CSNK1D: variants seen among roughly 807,000 people sequenced by gnomAD.
The protein encoded by CSNK1D is casein kinase I isoform delta.
CSNK1D carries 16 observed loss-of-function variants against 46.6 expected under a neutral mutation model. That is an observed-to-expected ratio of 0.34 (90% CI 0.23 to 0.52). The LOEUF (loss-of-function observed/expected upper bound fraction) is 0.52. Ranked by LOEUF, CSNK1D falls within the 20% of genes least tolerant of loss-of-function variation. The probability of loss-of-function intolerance (pLI) is 0.95; values close to 1 mark genes in which losing one functional copy is unlikely to be tolerated. For synonymous variants in CSNK1D, 276 were observed against 228.2 expected, an observed-to-expected ratio of 1.21 and a Z score of -1.89; for missense variants, 398 against 578.4, an observed-to-expected ratio of 0.69 and a Z score of 3.20.
intron 8 of CSNK1D, chr17:82,247,148 C>G (rs1568554427): frequency 3.0e-6 from 3 of 985,468 alleles, no homozygotes; most frequent in East Asian, 1.1e-4. Flanking sequence ...GAACACACCC[C>G]CAAACCAGCT....
chr17:82,242,207 T>C (rs1284022700), downstream of CSNK1D, among the ~76,000 whole-genome samples: 4 of 114,450 alleles, frequency 3.5e-5, no homozygotes, highest in African/African-American at 1.5e-4. Context: ...CACTGCTGTG[T>C]GCTCTGGGGG....
rs1568562221 is a variant in CSNK1D, at chr17:82,251,645, A to G, written c.737-118T>C. 3.0e-6 allele frequency: 3 copies of G among 1,003,858 alleles called. No individual in the cohort carries two copies. Among genetic ancestry groups the G allele is most frequent in the Non-Finnish European group, 4.6e-6 (3 of 647,162 alleles). The allele number at this position is 1,003,858 out of a possible 1,614,324, so 62.2% of individuals were successfully genotyped here. On this transcript the variant is annotated intron_variant, in intron 5 of 8. Coordinates refer to ENST00000314028, the MANE Select transcript of CSNK1D (RefSeq NM_001893.6). This position sits in a 1 kb window ranked among gnomAD's most constrained non-coding sequence, Gnocchi z 4.5. ...CACTCAAGGGGAGAAGGACAGATGC[A>G]AAACACCTGTCAGATTTCTAAGACC...
intron 1 of CSNK1D, among the ~76,000 whole-genome samples, chr17:82,267,699 G>A (rs2051513256): frequency 6.6e-6 from 1 of 152,196 alleles, no homozygotes; most frequent in South Asian, 2.1e-4. Context: ...GTTCCTCTAA[G>A]GACCTGGACT....
At chr17:82,271,085 T>C (rs2051610716) in intron 1 of CSNK1D, among the ~76,000 whole-genome samples, 1 of 152,202 alleles carries the variant, frequency 6.6e-6, no homozygotes, top group South Asian at 2.1e-4. Flanking sequence ...TCTTATTTAT[T>C]TATTTTTTGA....
rs1340545200 is a variant in CSNK1D, at chr17:82,252,013, TA to T, written c.736+420del. On this transcript the variant is annotated intron_variant, in intron 5 of 8. Coordinates refer to ENST00000314028, the MANE Select transcript of CSNK1D (RefSeq NM_001893.6). This position sits in a 1 kb window ranked among gnomAD's most constrained non-coding sequence, Gnocchi z 4.6. ...TGTCTTAAAAAAAAAAAAGAAGTCA[TA>T]AAGCACAATTTAGTTTCATTTGAGG... Among the ~76,000 whole-genome samples, 6 of 151,344 alleles carry T rather than the reference TA, an allele frequency of 4.0e-5. No homozygotes were observed. Among genetic ancestry groups the T allele is most frequent in the Admixed American group, 3.3e-4 (5 of 15,194 alleles).
In CSNK1D at chr17:82,243,691, C is replaced by T. The variant is rs989581566; in HGVS notation, c.*1090G>A. The T allele has an allele frequency of 2.7e-5, 27 of 985,362 alleles. No individual in the cohort carries two copies. The highest frequency in any genetic ancestry group is 1.6e-4 in the African/African-American group (9 of 57,240). 61.0% of individuals were successfully genotyped at this position (985,362 alleles called of 1,614,324 possible). The stretch of plus-strand genomic sequence containing the variant: ...CGGCTTTTCTGAGCTAGTCTTGGCA[C>T]GTGGCAAGGACAGCCCCGCTCCTGG... On this transcript the variant is annotated 3_prime_UTR_variant, in exon 9 of 9. Coordinates refer to ENST00000314028, the MANE Select transcript of CSNK1D (RefSeq NM_001893.6).
At chr17:82,260,702 C>T (rs5029174) in intron 2 of CSNK1D, among the ~76,000 whole-genome samples, 2 of 145,090 alleles carry the variant, frequency 1.4e-5, no homozygotes, top group East Asian at 2.0e-4. Context: ...GGTGTACTGA[C>T]TGATGTGACT....
chr17:82,250,094 G>A lies in CSNK1D; in HGVS notation c.886-492C>T, dbSNP rs1490405583. 25 of 1,290,128 alleles carry A rather than the reference G, an allele frequency of 1.9e-5. No individual in the cohort carries two copies. Among genetic ancestry groups the A allele is most frequent in the Middle Eastern group, 2.3e-4 (1 of 4,396 alleles). The allele number at this position is 1,290,128 out of a possible 1,614,324, so 79.9% of individuals were successfully genotyped here. A position where few individuals can be genotyped will look rare whatever the true frequency, so the allele number is the denominator to read the frequency against. On this transcript the variant is annotated intron_variant, in intron 6 of 8. Coordinates refer to ENST00000314028, the MANE Select transcript of CSNK1D (RefSeq NM_001893.6). The surrounding 1 kb of genome is among the most constrained non-coding windows in gnomAD (Gnocchi z 4.6). ...CAACAGCCTGTGCAGGTGTGGTGGC[G>A]TGGCCAGCAGCCGGCAGCCGGATCT...
chr17:82,271,137 G>GTGATCT (rs1259164780), intron 1 of CSNK1D, among the ~76,000 whole-genome samples: 1 of 152,216 alleles, frequency 6.6e-6, no homozygotes, highest in Non-Finnish European at 1.5e-5. Flanking sequence ...GTGCAGTGGT[G>GTGATCT]TGATCTTGGC....
In CSNK1D at chr17:82,273,385, G is replaced by A. The variant is rs1161975789; in HGVS notation, c.-4C>T. ...TGTTCCCGACTCTCAGCTCCATGGC[G>A]GCGGCGGCCCGATTCGCTCCTGCCC... On this transcript the variant is annotated 5_prime_UTR_variant, in exon 1 of 9. Transcript: ENST00000314028. The surrounding 1 kb of genome is among the most constrained non-coding windows in gnomAD (Gnocchi z 5.1). 9.3e-6 allele frequency: 15 copies of A among 1,610,694 alleles called. No homozygotes were observed. The highest frequency in any genetic ancestry group is 2.7e-5 in the African/African-American group (2 of 74,656).
chr17:82,260,029 GTAC>G (rs1397884246), intron 2 of CSNK1D, among the ~76,000 whole-genome samples: 5 of 130,578 alleles, frequency 3.8e-5, no homozygotes, highest in African/African-American at 2.2e-4. Flanking sequence ...GACTGATGGT[GTAC>G]TGACTGATGT....
In CSNK1D at chr17:82,242,922, A is replaced by C; in HGVS notation, c.*1859T>G. 1 of 985,456 alleles carries C rather than the reference A, an allele frequency of 1.0e-6. No homozygotes were observed. The highest frequency in any genetic ancestry group is 1.7e-5 in the African/African-American group (1 of 57,352). The allele number at this position is 985,456 out of a possible 1,614,324, so 61.0% of individuals were successfully genotyped here. A position where few individuals can be genotyped will look rare whatever the true frequency, so the allele number is the denominator to read the frequency against. On this transcript the variant is annotated 3_prime_UTR_variant, in exon 9 of 9. Transcript: ENST00000314028. ...GCCTCGCACAAACGTTCTGGGCACT[A>C]CATCGGGACCACAGATATTTACAAA...
chr17:82,253,445 C>A, intron 3 of CSNK1D: 1 of 612,004 alleles, frequency 1.6e-6, no homozygotes, highest in Non-Finnish European at 3.0e-6. Flanking sequence ...ACTCCACCCT[C>A]CACAGGCCTA....
Position 82,249,612 on chromosome 17 carries a change from CAGG to C in CSNK1D, c.886-13_886-11del. On this transcript the variant is annotated splice_polypyrimidine_tract_variant and intron_variant, in intron 6 of 8. Transcript: ENST00000314028. The surrounding 1 kb of genome is among the most constrained non-coding windows in gnomAD (Gnocchi z 6.7). ...CGGCCCGGCTGGCACCCTGAGGAGG[CAGG>C]AGGTGAGGCCGGAATGGAACCAGCT... The C allele has an allele frequency of 1.3e-6, 2 of 1,559,878 alleles. No individual in the cohort carries two copies. Among genetic ancestry groups the C allele is most frequent in the Non-Finnish European group, 1.7e-6 (2 of 1,158,050 alleles).
chr17:82,243,483 C>A lies in CSNK1D; in HGVS notation c.*1298G>T. 1 of 985,540 alleles carries A rather than the reference C, an allele frequency of 1.0e-6. No individual in the cohort carries two copies. Among genetic ancestry groups the A allele is most frequent in the Non-Finnish European group, 1.2e-6 (1 of 829,998 alleles). The allele number at this position is 985,540 out of a possible 1,614,324, so 61.0% of individuals were successfully genotyped here. ...CATGGAGCCTGGGGCAGCACCAGCT[C>A]ACGGAGGCCACCTGCCTTCTGGTGG... On this transcript the variant is annotated 3_prime_UTR_variant, in exon 9 of 9. Coordinates refer to ENST00000314028, the MANE Select transcript of CSNK1D (RefSeq NM_001893.6).
intron 3 of CSNK1D, chr17:82,253,645 A>G (rs1188814629): frequency 2.8e-6 from 1 of 354,280 alleles, no homozygotes; most frequent in Non-Finnish European, 5.5e-6. Context: ...CACTGAATGG[A>G]AACGTGCTAT....
Position 82,255,443 on chromosome 17 carries a change from G to C in CSNK1D, c.322C>G (p.Leu108Val). ...RKFSLKTVLL[L>V]ADQMISRIEY... ...ACAGTCCTTACCATTTGGTCAGCAA[G>C]CAGCAGGACGGTTTTGAGGCTGAAT... The change falls in exon 3 of 9, where the codon CTT becomes GTT. Residue 108 changes from leucine (L) to valine (V), a missense_variant. This residue lies in a region of CSNK1D where 217 missense variants were observed against 370.3 expected (regional missense o/e 0.59). Transcript: ENST00000314028. This position sits in a 1 kb window ranked among gnomAD's most constrained non-coding sequence, Gnocchi z 5.9. 1 of 1,614,192 alleles carries C rather than the reference G, an allele frequency of 6.2e-7. No homozygotes were observed.
downstream of CSNK1D, among the ~76,000 whole-genome samples, chr17:82,240,860 C>T (rs2147143460): frequency 6.6e-6 from 1 of 152,242 alleles, no homozygotes; most frequent in Admixed American, 6.5e-5. Flanking sequence ...TCTACTACCT[C>T]CTCCCTCAGC....
intron 1 of CSNK1D, among the ~76,000 whole-genome samples, chr17:82,269,552 C>T (rs892750504): frequency 2.0e-5 from 3 of 152,216 alleles, no homozygotes; most frequent in African/African-American, 7.2e-5. Context: ...CCAAAAGATG[C>T]TTGTGCACAT....
Sources: gnomAD v4.1 joint callset for allele counts (sites outside exome capture counted in the v4.1 genomes callset) on GRCh38, gnomAD v4.1.1 for gene constraint, gnomAD v4.1.1 regional missense constraint, Gnocchi (gnomAD v3.1) non-coding constraint, MANE v1.5 for transcripts, NCBI Gene and HGNC (gene_info 2026-07-23, HGNC 2026-07-21) for gene names.